The following FHIT variants were observed in gnomAD, a reference collection of about 807,000 sequenced individuals.
FHIT encodes the protein bis(5'-adenosyl)-triphosphatase.
In FHIT, 19 loss-of-function variants were observed where a neutral mutation model predicts 17.9. That is an observed-to-expected ratio of 1.06 (90% CI 0.74 to 1.56). The LOEUF (loss-of-function observed/expected upper bound fraction) is 1.56. FHIT is among the 40% of genes most tolerant of loss of function. FHIT has a pLI of 0.00. For synonymous variants in FHIT, 81 were observed against 69.7 expected (o/e 1.16, Z -0.81); for missense variants, 248 against 189.2 (o/e 1.31, Z -1.82).
At chr3:61,091,890 T>A (rs536816617) in intron 2 of FHIT, among the ~76,000 whole-genome samples, 1 of 128,376 alleles carries the variant, frequency 7.8e-6, no homozygotes, top group African/African-American at 3.1e-5. Context: ...CAGTGACCCA[T>A]GATCATGCCA....
At chr3:60,481,543 T>C (rs1363730461) in intron 5 of FHIT, among the ~76,000 whole-genome samples, 1 of 152,118 alleles carries the variant, frequency 6.6e-6, no homozygotes, top group African/African-American at 2.4e-5. Context: ...AGAGAAGAAT[T>C]TTCAACCCAG....
intron 2 of FHIT, among the ~76,000 whole-genome samples, chr3:61,102,427 T>A (rs912548649): frequency 2.0e-5 from 3 of 152,222 alleles, no homozygotes; most frequent in Non-Finnish European, 2.9e-5. Context: ...GTGGATAGGC[T>A]TTTTGATGTG....
At chr3:60,889,747 T>C (rs1251116804) in intron 3 of FHIT, among the ~76,000 whole-genome samples, 1 of 152,036 alleles carries the variant, frequency 6.6e-6, no homozygotes, top group Admixed American at 6.6e-5. Flanking sequence ...CAGAAATAGG[T>C]AAGTAAATCA....
At chr3:61,020,553 C>G (rs2032362832) in intron 3 of FHIT, among the ~76,000 whole-genome samples, 1 of 152,096 alleles carries the variant, frequency 6.6e-6, no homozygotes. Context: ...GGTATACCAT[C>G]CACTGCAAAA....
At chr3:60,583,011 T>C (rs2037795584) in intron 4 of FHIT, among the ~76,000 whole-genome samples, 1 of 151,866 alleles carries the variant, frequency 6.6e-6, no homozygotes, top group Non-Finnish European at 1.5e-5. Context: ...ACCGCTTTAC[T>C]GCTTGAGTGA....
intron 4 of FHIT, among the ~76,000 whole-genome samples, chr3:60,654,314 A>T (rs974360310): frequency 6.6e-6 from 1 of 152,184 alleles, no homozygotes; most frequent in Non-Finnish European, 1.5e-5. Flanking sequence ...CAAAATCAGA[A>T]GGCAAATTAG....
chr3:60,221,147 C>T (rs1703940157), intron 5 of FHIT, among the ~76,000 whole-genome samples: 1 of 152,136 alleles, frequency 6.6e-6, no homozygotes, highest in Non-Finnish European at 1.5e-5. Context: ...GTCCCAAATG[C>T]TAAATGGAAA....
chr3:60,684,991 G>A lies in FHIT; in HGVS notation c.-18+136928C>T, dbSNP rs536616928. 5.9e-5 allele frequency among the ~76,000 whole-genome samples: 9 copies of A among 152,210 alleles called. No individual in the cohort carries two copies. In the East Asian group the frequency reaches 1.2e-3, roughly 20 times the overall value. On this transcript the variant is annotated intron_variant, in intron 4 of 9. Coordinates refer to ENST00000492590, the MANE Select transcript of FHIT (RefSeq NM_002012.4). ...ACAGGAGATAACTTGTCCTCCCTAC[G>A]CCAGAGGGAAAGTAGCGTTCTTATC...
intron 5 of FHIT, among the ~76,000 whole-genome samples, chr3:60,422,797 C>T (rs1257096327): frequency 6.6e-6 from 1 of 152,030 alleles, no homozygotes; most frequent in African/African-American, 2.4e-5. Context: ...AATATTAAAA[C>T]TTTCTCATGG....
intron 7 of FHIT, among the ~76,000 whole-genome samples, chr3:59,999,869 A>T (rs2107497076): frequency 6.6e-6 from 1 of 152,206 alleles, no homozygotes; most frequent in East Asian, 1.9e-4. Context: ...CAGCTTCCCA[A>T]AGTGCTGGGA....
intron 3 of FHIT, among the ~76,000 whole-genome samples, chr3:61,041,646 T>G (rs2033522859): frequency 6.6e-6 from 1 of 150,588 alleles, no homozygotes. Context: ...ATCTATAATT[T>G]ATAGACAGGT....
intron 5 of FHIT, among the ~76,000 whole-genome samples, chr3:60,306,819 C>T (rs1311070785): frequency 6.6e-6 from 1 of 152,134 alleles, no homozygotes; most frequent in Non-Finnish European, 1.5e-5. Flanking sequence ...TAAAAATACA[C>T]TTGGTGCTCG....
At chr3:60,281,228 A>G (rs1707435718) in intron 5 of FHIT, among the ~76,000 whole-genome samples, 1 of 152,184 alleles carries the variant, frequency 6.6e-6, no homozygotes, top group Non-Finnish European at 1.5e-5. Flanking sequence ...TTCTGTGTTC[A>G]TGGATAGGAA....
chr3:60,659,108 T>C (rs1354891052), intron 4 of FHIT, among the ~76,000 whole-genome samples: 1 of 152,060 alleles, frequency 6.6e-6, no homozygotes, highest in African/African-American at 2.4e-5. Context: ...CCCATTGCAT[T>C]CTGGACTCCT....
Position 60,146,305 on chromosome 3 carries a change from A to G in FHIT, c.104-132153T>C, listed in dbSNP as rs545563591. 5.9e-5 allele frequency among the ~76,000 whole-genome samples: 9 copies of G among 151,710 alleles called. No homozygotes were observed. The East Asian group carries it at 1.7e-3, about 29-fold the overall frequency. On this transcript the variant is annotated intron_variant, in intron 5 of 9. Transcript: ENST00000492590. ...GCTGACTTGCAGCCAATTTCAAGCT[A>G]CCAACACGCTGTCAACCAGCTCACA... is the stretch of plus-strand genomic sequence containing the variant.
At chr3:60,134,292 A>G (rs1350506322) in intron 5 of FHIT, among the ~76,000 whole-genome samples, 1 of 152,194 alleles carries the variant, frequency 6.6e-6, no homozygotes, top group East Asian at 1.9e-4. Flanking sequence ...TATGGTCTGT[A>G]ACATACTTAG....
chr3:60,016,285 T>G (rs1183352051), intron 5 of FHIT, among the ~76,000 whole-genome samples: 1 of 152,094 alleles, frequency 6.6e-6, no homozygotes, highest in East Asian at 1.9e-4. Context: ...GAGTATAGAG[T>G]TTTTTTAGCA....
chr3:60,875,923 A>ATGTGTGTGTGTGTGTGTG (rs60177380), intron 3 of FHIT, among the ~76,000 whole-genome samples: 4 of 136,802 alleles, frequency 2.9e-5, no homozygotes, highest in East Asian at 4.5e-4. Context: ...AAACTTATTC[A>ATGTGTGTGTGTGTGTGTG]TGTGTGTGTG....
chr3:60,247,689 G>A lies in FHIT; in HGVS notation c.104-233537C>T, dbSNP rs114512740. On this transcript the variant is annotated intron_variant, in intron 5 of 9. Transcript: ENST00000492590. ...TGAACCAATGGCATTTCATAGTAAC[G>A]TAAGTTCATGTCCAAGTGCCACAGC... Among the ~76,000 whole-genome samples, 1,148 of 152,118 alleles carry A rather than the reference G, an allele frequency of 7.5e-3. 9 individuals carry two copies. The highest frequency in any genetic ancestry group is 0.026 in the African/African-American group (1,071 of 41,522).
Sources: gnomAD v4.1 joint callset for allele counts (sites outside exome capture counted in the v4.1 genomes callset) on GRCh38, gnomAD v4.1.1 for gene constraint, MANE v1.5 for transcripts, NCBI Gene and HGNC (gene_info 2026-07-23, HGNC 2026-07-21) for gene names.